Variants in CFAP61 observed in about 807,000 individuals in gnomAD.
The protein encoded by CFAP61 is cilia and flagella associated protein 61.
In CFAP61, 107 loss-of-function variants were observed where a neutral mutation model predicts 135.6. The observed-to-expected ratio is 0.79, with a 90% CI of 0.67 to 0.93. CFAP61 has a LOEUF of 0.93. Ranked by LOEUF, CFAP61 falls within the 40% of genes least tolerant of loss-of-function variation. The probability of loss-of-function intolerance (pLI) is 0.00; values close to 1 mark genes in which losing one functional copy is unlikely to be tolerated. For synonymous variants in CFAP61, 575 were observed against 578.5 expected, an observed-to-expected ratio of 0.99 and a Z score of 0.09; for missense variants, 1,507 against 1,556.2, an observed-to-expected ratio of 0.97 and a Z score of 0.53.
intron 22 of CFAP61, among the ~76,000 whole-genome samples, chr20:20,280,696 C>A (rs2149043): frequency 0.23 from 34,267 of 152,110 alleles, 3,942 homozygotes; most frequent in Admixed American, 0.27. Flanking sequence ...CTGGTACATG[C>A]CTTTGTGTGG....
intron 8 of CFAP61, among the ~76,000 whole-genome samples, chr20:20,111,420 G>C (rs570800195): frequency 6.6e-6 from 1 of 152,164 alleles, no homozygotes; most frequent in Non-Finnish European, 1.5e-5. Flanking sequence ...CCGGGAAGTA[G>C]CCTTACTAAC....
At chr20:20,318,479 C>T (rs1397905709) in intron 25 of CFAP61, among the ~76,000 whole-genome samples, 2 of 152,300 alleles carry the variant, frequency 1.3e-5, no homozygotes, top group Admixed American at 6.5e-5. Flanking sequence ...TGGGAGGAGA[C>T]TTTCGTGTCT....
At chr20:20,314,587 C>T (rs972023020) in intron 25 of CFAP61, among the ~76,000 whole-genome samples, 55 of 147,314 alleles carry the variant, frequency 3.7e-4, no homozygotes, top group African/African-American at 1.3e-3. Flanking sequence ...GCACAATGTG[C>T]AGGTTAGTTA....
chr20:20,290,268 A>G (rs1207476559), intron 23 of CFAP61, 32 bp from the exon 24 acceptor site: 2 of 1,384,292 alleles, frequency 1.4e-6, no homozygotes, highest in African/African-American at 2.8e-5. Flanking sequence ...TTAACAATTA[A>G]TTTTAAATGG....
At chr20:20,057,146 G>T (rs533629865) in intron 2 of CFAP61, among the ~76,000 whole-genome samples, 9 of 148,100 alleles carry the variant, frequency 6.1e-5, no homozygotes, top group Non-Finnish European at 8.9e-5. Flanking sequence ...AAAAAAGAAG[G>T]TTCCTCAATT....
intron 17 of CFAP61, among the ~76,000 whole-genome samples, chr20:20,202,790 CT>C (rs2056685769): frequency 6.6e-6 from 1 of 152,086 alleles, no homozygotes; most frequent in East Asian, 1.9e-4. Context: ...GTGCATCAAG[CT>C]TTATATGAGA....
intron 1 of CFAP61, among the ~76,000 whole-genome samples, chr20:20,053,223 G>A (rs1236515247): frequency 6.6e-6 from 1 of 151,326 alleles, no homozygotes; most frequent in Non-Finnish European, 1.5e-5. Context: ...GAAAAGCAAA[G>A]GTTAAGAGAA....
chr20:20,165,358 C>G (rs1383821110), intron 11 of CFAP61, among the ~76,000 whole-genome samples: 1 of 152,164 alleles, frequency 6.6e-6, no homozygotes, highest in Non-Finnish European at 1.5e-5. Context: ...ATGCTCCATG[C>G]CAAATCTGCA....
intron 11 of CFAP61, among the ~76,000 whole-genome samples, 194 bp downstream of exon 11, chr20:20,164,422 G>C (rs2053652797): frequency 6.6e-6 from 1 of 152,172 alleles, no homozygotes; most frequent in South Asian, 2.1e-4. Context: ...AAGGCCTACA[G>C]AAGTGGGCTA....
At chr20:20,194,791 T>A (rs2056170518) in intron 15 of CFAP61, among the ~76,000 whole-genome samples, 1 of 152,188 alleles carries the variant, frequency 6.6e-6, no homozygotes, top group Non-Finnish European at 1.5e-5. Flanking sequence ...TGACCCAAGG[T>A]AAGAAGGTTT....
At chr20:20,291,458 A>G (rs2054991798) in intron 24 of CFAP61, among the ~76,000 whole-genome samples, 1 of 152,158 alleles carries the variant, frequency 6.6e-6, no homozygotes, top group Non-Finnish European at 1.5e-5. Flanking sequence ...AGTAATATCC[A>G]TTTAAGCTTC....
At chr20:20,222,121 T>TC (rs2048447130) in intron 17 of CFAP61, 1 of 152,146 alleles carries the variant, frequency 6.6e-6, no homozygotes, top group African/African-American at 2.4e-5. Context: ...ACACTAGAAT[T>TC]GATGAAATCC....
At chr20:20,174,139 C>T (rs895887249) in intron 13 of CFAP61, among the ~76,000 whole-genome samples, 1 of 152,142 alleles carries the variant, frequency 6.6e-6, no homozygotes, top group Non-Finnish European at 1.5e-5. Context: ...TACCTGGGTT[C>T]TTTTCTGAAA....
In CFAP61 at chr20:20,164,166, C is replaced by T. The variant is rs1295735998; in HGVS notation, c.1143C>T (p.Tyr381=). 2.5e-6 allele frequency: 4 copies of T among 1,614,138 alleles called. No individual in the cohort carries two copies. The highest frequency in any genetic ancestry group is 3.4e-6 in the Non-Finnish European group (4 of 1,179,990). The part of the protein sequence containing the change: ...PEEPVHFRPI[Y]RGASAAFCIQ... Reference sequence around the variant, plus strand: ...AGCCCGTCCACTTCCGCCCCATCTACAGGGGAGCCTCAGCTGCTTTTTGTA... The same window carrying T: ...AGCCCGTCCACTTCCGCCCCATCTATAGGGGAGCCTCAGCTGCTTTTTGTA... The change falls in exon 11 of 27, where the codon TAC becomes TAT. Residue 381 remains tyrosine, a synonymous_variant. Transcript: ENST00000245957.
At chr20:20,187,873 T>TG in intron 13 of CFAP61, 57 bp from the exon 14 acceptor site, 1 of 1,360,914 alleles carries the variant, frequency 7.3e-7, no homozygotes, top group South Asian at 1.2e-5. Context: ...TGTCTCCATT[T>TG]GGGGGGAATA....
At chr20:20,345,994 C>T (rs1380811964) in intron 26 of CFAP61, among the ~76,000 whole-genome samples, 14 of 137,466 alleles carry the variant, frequency 1.0e-4, no homozygotes, top group Non-Finnish European at 1.4e-4. Context: ...CTCCACTTCC[C>T]GGGTTCACGC....
chr20:20,258,094 AC>A (rs1239597463), intron 20 of CFAP61, among the ~76,000 whole-genome samples: 2 of 152,182 alleles, frequency 1.3e-5, no homozygotes, highest in Non-Finnish European at 2.9e-5. Flanking sequence ...GCTTCAAACC[AC>A]CCTGTTATAA....
chr20:20,144,002 A>G lies in CFAP61; in HGVS notation c.951+1054A>G, dbSNP rs185468640. Among the ~76,000 whole-genome samples the G allele has an allele frequency of 3.1e-4, 47 of 152,368 alleles. No individual in the cohort carries two copies. In the East Asian group the frequency reaches 6.7e-3, roughly 22 times the overall value. On this transcript the variant is annotated intron_variant, in intron 9 of 26. Coordinates refer to ENST00000245957, the MANE Select transcript of CFAP61 (RefSeq NM_015585.4). ...TGGAAAAGCTTATGATTTGCAAGAG[A>G]GTACACAAAAGAGTCTTGTGGAGAA... is the stretch of plus-strand genomic sequence containing the variant.
At chr20:20,059,115 G>A (rs905216974) in intron 2 of CFAP61, among the ~76,000 whole-genome samples, 2 of 151,994 alleles carry the variant, frequency 1.3e-5, no homozygotes, top group African/African-American at 2.4e-5. Flanking sequence ...AGGATCACGA[G>A]GTCAAGAGAT....
Sources: allele counts gnomAD v4.1 joint callset (sites outside exome capture counted in the v4.1 genomes callset), GRCh38; gene constraint gnomAD v4.1.1; transcripts MANE v1.5; gene names NCBI Gene and HGNC (gene_info 2026-07-23, HGNC 2026-07-21).